The following SLC35A1 variants were observed in gnomAD, a reference collection of about 807,000 sequenced individuals.
SLC35A1 encodes solute carrier family 35 member A1, also known as CMP-sialic acid transporter.
In SLC35A1, 21 loss-of-function variants were observed where a neutral mutation model predicts 40.3. The observed-to-expected ratio is 0.52, with a 90% CI of 0.37 to 0.75. SLC35A1 has a LOEUF of 0.75. SLC35A1 is among the 30% of genes least tolerant of loss of function. SLC35A1 has a pLI of 0.00. For synonymous variants in SLC35A1, 146 were observed against 147.3 expected (o/e 0.99, Z 0.06); for missense variants, 297 against 382.1 (o/e 0.78, Z 1.86).
intron 6 of SLC35A1, 40 bp downstream of exon 6, chr6:87,508,636 A>AT (rs570166119): frequency 2.4e-3 from 3,423 of 1,427,864 alleles, no homozygotes; most frequent in African/African-American, 3.7e-3. Context: ...TAGATCCTTT[A>AT]TTTTTTTTTT....
chr6:87,485,908 C>A (rs1769375326), intron 2 of SLC35A1, among the ~76,000 whole-genome samples: 2 of 151,912 alleles, frequency 1.3e-5, no homozygotes, highest in South Asian at 4.2e-4. Flanking sequence ...AGAATGAATA[C>A]AGGGAAAGGA....
intron 2 of SLC35A1, among the ~76,000 whole-genome samples, chr6:87,478,125 G>A (rs143918962): frequency 1.9e-3 from 284 of 152,276 alleles, no homozygotes; most frequent in African/African-American, 6.6e-3. Context: ...CGCAGCATCT[G>A]AGGTTCCTTA....
At chr6:87,492,787 C>A (rs947277558) in intron 2 of SLC35A1, among the ~76,000 whole-genome samples, 3 of 151,888 alleles carry the variant, frequency 2.0e-5, no homozygotes, top group African/African-American at 7.3e-5. Context: ...TGACCTCAGG[C>A]GATGCACCCA....
intron 4 of SLC35A1, among the ~76,000 whole-genome samples, chr6:87,505,544 G>C (rs1167351717): frequency 6.6e-6 from 1 of 152,136 alleles, no homozygotes; most frequent in African/African-American, 2.4e-5. Context: ...TGCTATAACA[G>C]AATACGCAGA....
At chr6:87,473,183 A>C (rs1768967575) in intron 1 of SLC35A1, among the ~76,000 whole-genome samples, 164 bp downstream of exon 1, 2 of 152,188 alleles carry the variant, frequency 1.3e-5, no homozygotes, top group Admixed American at 6.5e-5. Flanking sequence ...CCCGGCAGTC[A>C]GGGCAGCCTG....
chr6:87,508,783 GC>G, intron 6 of SLC35A1, 187 bp downstream of exon 6: 1 of 707,756 alleles, frequency 1.4e-6, no homozygotes, highest in Non-Finnish European at 2.3e-6. Context: ...GGATAGCAAT[GC>G]CCCAAAATAT....
At chr6:87,476,625 TAAGG>T (rs1351631188) in intron 1 of SLC35A1, among the ~76,000 whole-genome samples, 1 of 151,490 alleles carries the variant, frequency 6.6e-6, no homozygotes, top group Non-Finnish European at 1.5e-5. Flanking sequence ...CTCAGGAGGC[TAAGG>T]CAGGAGAATT....
At chr6:87,480,559 C>T (rs1040146320) in intron 2 of SLC35A1, among the ~76,000 whole-genome samples, 4 of 152,046 alleles carry the variant, frequency 2.6e-5, no homozygotes, top group East Asian at 1.9e-4. Flanking sequence ...TGGCATGAGG[C>T]GAGGCATAGT....
chr6:87,490,335 A>G (rs1582178020), intron 2 of SLC35A1, among the ~76,000 whole-genome samples: 1 of 138,368 alleles, frequency 7.2e-6, no homozygotes, highest in Admixed American at 7.3e-5. Flanking sequence ...TATTGTCATC[A>G]TTTTTTTTTT....
In SLC35A1 at chr6:87,508,443, A is replaced by G; in HGVS notation, c.598A>G (p.Lys200Glu). 6.2e-7 allele frequency: 1 copy of G among 1,609,800 alleles called. No homozygotes were observed. Among genetic ancestry groups the G allele is most frequent in the Non-Finnish European group, 8.5e-7 (1 of 1,177,078 alleles). Residue 200 changes from lysine to glutamate, a missense_variant, in exon 6 of 8, where the codon AAG (lysine) becomes GAG (glutamate). Physicochemically the swap from Lys to Glu is moderately conservative, Grantham distance 56. Coordinates refer to ENST00000369552, the MANE Select transcript of SLC35A1 (RefSeq NM_006416.5). ...FAGVYFEKVL[K>E]SSDTSLWVRN... ...AGGAGTATATTTTGAAAAAGTTTTA[A>G]AGAGTTCAGATACTTCTCTTTGGGT...
chr6:87,474,376 A>T (rs1181238131), intron 1 of SLC35A1, among the ~76,000 whole-genome samples: 1 of 152,248 alleles, frequency 6.6e-6, no homozygotes, highest in Non-Finnish European at 1.5e-5. Context: ...CATAACCGAA[A>T]AAAAACATTT....
At chr6:87,481,223 C>T (rs1366249238) in intron 2 of SLC35A1, among the ~76,000 whole-genome samples, 1 of 152,058 alleles carries the variant, frequency 6.6e-6, no homozygotes, top group Non-Finnish European at 1.5e-5. Flanking sequence ...TCAAGACCAG[C>T]CTGGCCAACA....
intron 2 of SLC35A1, among the ~76,000 whole-genome samples, chr6:87,478,070 T>C (rs548965648): frequency 6.6e-6 from 1 of 152,060 alleles, no homozygotes; most frequent in South Asian, 2.1e-4. Flanking sequence ...TCTCATTTAC[T>C]TCTTCCACAT....
chr6:87,500,743 T>G, intron 3 of SLC35A1, 76 bp downstream of exon 3: 2 of 1,446,710 alleles, frequency 1.4e-6, no homozygotes, highest in Non-Finnish European at 1.9e-6. Context: ...CTTTATCATA[T>G]TATCAATTTT....
chr6:87,495,545 T>G (rs1769700689), intron 2 of SLC35A1, among the ~76,000 whole-genome samples: 1 of 152,218 alleles, frequency 6.6e-6, no homozygotes, highest in Non-Finnish European at 1.5e-5. Flanking sequence ...CATGCTATAA[T>G]GGGTTCAGGG....
chr6:87,497,894 G>GT (rs11304517), intron 2 of SLC35A1, among the ~76,000 whole-genome samples: 443 of 142,974 alleles, frequency 3.1e-3, no homozygotes, highest in African/African-American at 4.7e-3. Context: ...ACTCCTGGCA[G>GT]TTTTTTTTTT....
intron 2 of SLC35A1, among the ~76,000 whole-genome samples, chr6:87,494,902 C>A (rs889845778): frequency 6.6e-6 from 1 of 152,238 alleles, no homozygotes; most frequent in Non-Finnish European, 1.5e-5. Context: ...TAGATTTAAA[C>A]CTGTCATTGT....
intron 2 of SLC35A1, among the ~76,000 whole-genome samples, chr6:87,490,553 C>T (rs973173465): frequency 1.3e-5 from 2 of 151,714 alleles, no homozygotes; most frequent in African/African-American, 4.8e-5. Context: ...AGGCTGGTCT[C>T]GAACTCCTGA....
chr6:87,487,601 T>C (rs1769424478), intron 2 of SLC35A1, among the ~76,000 whole-genome samples: 1 of 152,238 alleles, frequency 6.6e-6, no homozygotes, highest in Non-Finnish European at 1.5e-5. Context: ...ATCTATCACA[T>C]GTATTTTCTC....
Sources: allele counts gnomAD v4.1 joint callset (sites outside exome capture counted in the v4.1 genomes callset), GRCh38; gene constraint gnomAD v4.1.1; transcripts MANE v1.5; gene names NCBI Gene and HGNC (gene_info 2026-07-23, HGNC 2026-07-21).